The following CENPK variants were observed in gnomAD, a reference collection of about 807,000 sequenced individuals.
The protein encoded by CENPK is centromere protein K.
A neutral mutation model predicts 40.9 loss-of-function variants in CENPK; 46 were observed. That is an observed-to-expected ratio of 1.13 (90% confidence interval 0.89 to 1.44). The LOEUF (loss-of-function observed/expected upper bound fraction) is 1.44. CENPK is among the 40% of genes most tolerant of loss of function. CENPK has a pLI of 0.00. For synonymous variants in CENPK, 107 were observed against 104.4 expected (o/e 1.02, Z -0.15); for missense variants, 288 against 303.5 (o/e 0.95, Z 0.38).
chr5:65,560,374 G>C (rs1751753422), intron 2 of CENPK, among the ~76,000 whole-genome samples: 1 of 152,156 alleles, frequency 6.6e-6, no homozygotes, highest in South Asian at 2.1e-4. Flanking sequence ...TGGAGGAAGA[G>C]TGGAAGGGGG....
chr5:65,503,871 T>A, the CENPK span, among the ~76,000 whole-genome samples: 1 of 151,822 alleles, frequency 6.6e-6, no homozygotes, highest in African/African-American at 2.4e-5. Flanking sequence ...TTGGTCAGAC[T>A]GGTCTAGAAC....
chr5:65,531,536 G>A (rs922032515), intron 6 of CENPK, among the ~76,000 whole-genome samples: 9 of 147,744 alleles, frequency 6.1e-5, no homozygotes, highest in Non-Finnish European at 7.4e-5. Flanking sequence ...ACGGAATCTC[G>A]CTCTGTCGTT....
intron 3 of CENPK, among the ~76,000 whole-genome samples, chr5:65,554,343 G>A (rs1180438674): frequency 1.3e-5 from 2 of 151,904 alleles, no homozygotes; most frequent in Non-Finnish European, 2.9e-5. Context: ...GTAGAGATGG[G>A]GTTTCACCAT....
At chr5:65,551,291 T>C (rs1749995683) in intron 5 of CENPK, 1 of 346,558 alleles carries the variant, frequency 2.9e-6, no homozygotes, top group African/African-American at 2.2e-5. Flanking sequence ...TTACCATTTC[T>C]AGCGAGCATA....
intron 6 of CENPK, among the ~76,000 whole-genome samples, chr5:65,537,077 C>G (rs543477377): frequency 1.3e-5 from 2 of 152,200 alleles, no homozygotes; most frequent in Non-Finnish European, 2.9e-5. Context: ...CCAAAAACAG[C>G]ACCATGCTCT....
At chr5:65,527,891 A>G (rs967277341) in intron 9 of CENPK, among the ~76,000 whole-genome samples, 7 of 152,178 alleles carry the variant, frequency 4.6e-5, no homozygotes, top group Admixed American at 1.3e-4. Flanking sequence ...TCAATACATT[A>G]TATGAAAAGC....
chr5:65,497,759 C>T, the CENPK span, among the ~76,000 whole-genome samples: 2 of 152,144 alleles, frequency 1.3e-5, no homozygotes, highest in Non-Finnish European at 2.9e-5. Flanking sequence ...AATTCCAGCA[C>T]TTTTTGAGGG....
At chr5:65,531,905 AAAT>A (rs749166202) in intron 6 of CENPK, among the ~76,000 whole-genome samples, 4 of 152,348 alleles carry the variant, frequency 2.6e-5, no homozygotes, top group South Asian at 4.1e-4. Context: ...TAAGTTGAGG[AAAT>A]AATAATAACA....
chr5:65,554,807 T>A lies in CENPK; in HGVS notation c.101A>T (p.Asp34Val). The A allele has an allele frequency of 6.5e-7, 1 of 1,538,504 alleles. No homozygotes were observed. The highest frequency in any genetic ancestry group is 9.0e-7 in the Non-Finnish European group (1 of 1,112,124). The stretch of plus-strand genomic sequence containing the variant: ...TCTTTTGAAACTTACTTCTTCCATA[T>A]CTTTCCACATTTCTTCACATTCTCT... ...LIRECEEMWK[D>V]MEECQNKLSL... Residue 34 changes from aspartate to valine, a missense_variant, in exon 3 of 11, where the codon GAT becomes GTT. Coordinates refer to ENST00000396679, the MANE Select transcript of CENPK (RefSeq NM_022145.5).
At chr5:65,499,600 AC>A in the CENPK span, among the ~76,000 whole-genome samples, 1 of 149,620 alleles carries the variant, frequency 6.7e-6, no homozygotes, top group Non-Finnish European at 1.5e-5. Context: ...CTATTTTAAA[AC>A]CCACCCACTT....
At chr5:65,521,191 C>T (rs1743672274) in intron 10 of CENPK, among the ~76,000 whole-genome samples, 1 of 151,832 alleles carries the variant, frequency 6.6e-6, no homozygotes, top group Non-Finnish European at 1.5e-5. Flanking sequence ...ACCCTGTCAG[C>T]TCATGCCTAG....
chr5:65,522,519 C>T (rs1022547054), intron 9 of CENPK, among the ~76,000 whole-genome samples: 11 of 152,168 alleles, frequency 7.2e-5, no homozygotes, highest in African/African-American at 2.4e-4. Flanking sequence ...GCCTCAACTT[C>T]CTGGGCTCAA....
the CENPK span, among the ~76,000 whole-genome samples, chr5:65,497,370 A>G: frequency 6.6e-6 from 1 of 151,326 alleles, no homozygotes; most frequent in South Asian, 2.1e-4. Flanking sequence ...CTCCCTTTCA[A>G]AAAAAAAAGA....
chr5:65,521,828 T>C (rs1743826877), intron 9 of CENPK, among the ~76,000 whole-genome samples: 1 of 152,192 alleles, frequency 6.6e-6, no homozygotes. Context: ...CTCGAGCTCC[T>C]GACCCTCAGG....
intron 6 of CENPK, 73 bp from the exon 7 acceptor site, chr5:65,529,272 A>T: frequency 1.0e-6 from 1 of 1,004,396 alleles, no homozygotes; most frequent in South Asian, 1.5e-5. Flanking sequence ...AGTCAAATTT[A>T]CACAGTGGTC....
intron 1 of CENPK, among the ~76,000 whole-genome samples, chr5:65,562,418 T>C (rs1191360747): frequency 6.6e-6 from 1 of 152,036 alleles, no homozygotes; most frequent in East Asian, 1.9e-4. Flanking sequence ...GTGCCTACTA[T>C]GGGGGGGCAG....
At chr5:65,513,819 C>T (rs1466455868), downstream of CENPK, among the ~76,000 whole-genome samples, 1 of 152,184 alleles carries the variant, frequency 6.6e-6, no homozygotes, top group East Asian at 1.9e-4. Flanking sequence ...TGATGTCCCA[C>T]CATTAAGTAT....
intron 5 of CENPK, among the ~76,000 whole-genome samples, chr5:65,545,657 G>A (rs569916831): frequency 6.6e-6 from 1 of 152,186 alleles, no homozygotes; most frequent in South Asian, 2.1e-4. Flanking sequence ...AGATCAGGAA[G>A]GAAGAACAAT....
At position 65,552,525 on chromosome 5, in the gene CENPK, C is replaced by A; in HGVS notation, c.136G>T (p.Gly46Ter). The change falls in exon 4 of 11, where the codon GGA (glycine) becomes TGA (stop). Residue 46 changes from glycine (G) to a stop codon, truncating the protein, a stop_gained. Coordinates refer to ENST00000396679, the MANE Select transcript of CENPK (RefSeq NM_022145.5). LOFTEE classifies it high-confidence loss of function. ...TTTGAATCGGTGAGTGTTTCAGTTC[C>A]AATAAGTGATAATTTATTCTGACAC... ...EECQNKLSLI[G>*]TETLTDSNAQ... 6.5e-7 allele frequency: 1 copy of A among 1,548,774 alleles called. No homozygotes were observed. Among genetic ancestry groups the A allele is most frequent in the Middle Eastern group, 1.7e-4 (1 of 5,900 alleles).
Sources: allele counts gnomAD v4.1 joint callset (sites outside exome capture counted in the v4.1 genomes callset), GRCh38; gene constraint gnomAD v4.1.1; transcripts MANE v1.5; gene names NCBI Gene and HGNC (gene_info 2026-07-23, HGNC 2026-07-21).